The following NOTCH2 variants were observed in gnomAD, a reference collection of about 807,000 sequenced individuals.
NOTCH2 encodes neurogenic locus notch homolog protein 2.
In NOTCH2, 29 loss-of-function variants were observed where a neutral mutation model predicts 235.8. The ratio of observed to expected loss-of-function variants is 0.12; its 90% confidence interval spans 0.09 to 0.17. The LOEUF is 0.17. Ranked by LOEUF, NOTCH2 falls within the 10% of genes least tolerant of loss-of-function variation. The pLI is 1.00. For synonymous variants in NOTCH2, 1,086 were observed against 1,141.5 expected, an observed-to-expected ratio of 0.95 and a Z score of 0.98; for missense variants, 2,285 against 3,150.2, an observed-to-expected ratio of 0.73 and a Z score of 6.57.
chr1:119,965,311 T>C (rs587612955), intron 10 of NOTCH2, 142 bp downstream of exon 10: 1 of 777,490 alleles, frequency 1.3e-6, no homozygotes, highest in Non-Finnish European at 2.4e-6. Context: ...GCAAAAAATT[T>C]GTTAGAAACA....
chr1:119,926,686 G>C, intron 23 of NOTCH2, 75 bp from the exon 24 acceptor site: 1 of 1,195,180 alleles, frequency 8.4e-7, no homozygotes, highest in African/African-American at 1.5e-5. Flanking sequence ...AACTTTGCTG[G>C]GATGGGAACT....
intron 4 of NOTCH2, among the ~76,000 whole-genome samples, chr1:119,988,639 T>C (rs1652110784): frequency 6.6e-6 from 1 of 152,136 alleles, no homozygotes; most frequent in South Asian, 2.1e-4. Context: ...TTGCCCCTAG[T>C]CTGGTGCTCT....
At chr1:120,025,392 C>A (rs587754267) in intron 2 of NOTCH2, among the ~76,000 whole-genome samples, 1 of 152,232 alleles carries the variant, frequency 6.6e-6, no homozygotes, top group South Asian at 2.1e-4. Flanking sequence ...CCACTGAACC[C>A]CTAGAAGGGT....
At chr1:119,960,941 C>T (rs1650914904) in intron 11 of NOTCH2, among the ~76,000 whole-genome samples, 1 of 152,178 alleles carries the variant, frequency 6.6e-6, no homozygotes, top group South Asian at 2.1e-4. Flanking sequence ...GTTGAGATTA[C>T]AGGTATGAGC....
intron 5 of NOTCH2, among the ~76,000 whole-genome samples, chr1:119,972,841 A>G (rs1651418744): frequency 6.6e-6 from 1 of 152,172 alleles, no homozygotes; most frequent in Non-Finnish European, 1.5e-5. Context: ...TGAGGTGAGA[A>G]CCTGAACATA....
rs945766301 is a variant in NOTCH2, at chr1:119,914,088, C to G, written c.*1218G>C. ...ACGGAAGACAACTGTCACTGGGTCC[C>G]TTGGGCTAAGGAAAGTTCAGTCCTA... On this transcript the variant is annotated 3_prime_UTR_variant, in exon 34 of 34. Coordinates refer to ENST00000256646, the MANE Select transcript of NOTCH2 (RefSeq NM_024408.4). 1 of 233,140 alleles carries G rather than the reference C, an allele frequency of 4.3e-6. No individual in the cohort carries two copies. The highest frequency in any genetic ancestry group is 5.6e-5 in the Admixed American group (1 of 17,778). The allele number at this position is 233,140 out of a possible 1,614,324, so 14.4% of individuals were successfully genotyped here.
At chr1:120,001,566 CA>C (rs1179169288) in intron 3 of NOTCH2, among the ~76,000 whole-genome samples, 1 of 152,070 alleles carries the variant, frequency 6.6e-6, no homozygotes, top group East Asian at 1.9e-4. Flanking sequence ...ACCAACACTG[CA>C]CCTTTGATAT....
chr1:119,950,746 G>A lies in NOTCH2; in HGVS notation c.2457C>T (p.Cys819=). The A allele has an allele frequency of 1.9e-6, 3 of 1,612,912 alleles. No individual in the cohort carries two copies. Among genetic ancestry groups the A allele is most frequent in the South Asian group, 1.1e-5 (1 of 91,058 alleles). The part of the protein sequence containing the change: ...TCFDDISGYT[C]HCVLPYTGKN... ...CACCTGTGTATGGCAGCACACAGTGGCAAGTGTAGCCACTTATGTCATCAA... is the reference window on the plus strand; with the variant it reads ...CACCTGTGTATGGCAGCACACAGTGACAAGTGTAGCCACTTATGTCATCAA... The change falls in exon 15 of 34, where the codon TGC becomes TGT. Residue 819 remains cysteine, a synonymous_variant. Coordinates refer to ENST00000256646, the MANE Select transcript of NOTCH2 (RefSeq NM_024408.4).
chr1:119,938,675 G>C (rs1553196069), intron 19 of NOTCH2, among the ~76,000 whole-genome samples: 1 of 151,860 alleles, frequency 6.6e-6, no homozygotes, highest in African/African-American at 2.4e-5. Flanking sequence ...ATAATAATTG[G>C]TATATTCATT....
At chr1:119,938,830 G>A (rs930152247) in intron 19 of NOTCH2, among the ~76,000 whole-genome samples, 2 of 151,962 alleles carry the variant, frequency 1.3e-5, no homozygotes, top group African/African-American at 2.4e-5. Context: ...ACAGGCACCC[G>A]CTACCACACC....
intron 2 of NOTCH2, among the ~76,000 whole-genome samples, chr1:120,013,961 A>G (rs1553207440): frequency 6.6e-6 from 1 of 151,254 alleles, no homozygotes; most frequent in Admixed American, 6.6e-5. Context: ...AAAATAGTCT[A>G]CCACTTGAAC....
At chr1:119,995,946 A>G (rs879963257) in intron 4 of NOTCH2, 2 of 152,462 alleles carry the variant, frequency 1.3e-5, no homozygotes, top group African/African-American at 4.8e-5. Context: ...CCATATCCAC[A>G]ATACCAGAAT....
In NOTCH2 at chr1:119,915,164, A is replaced by ACC. The variant is rs1649019708; in HGVS notation, c.*141_*142insGG. ...ACTGACGAATTGCTTCTCTTGCATT[A>ACC]TCTGAATAAGAACATCTTCTCTTTC... On this transcript the variant is annotated 3_prime_UTR_variant, in exon 34 of 34. Coordinates refer to ENST00000256646, the MANE Select transcript of NOTCH2 (RefSeq NM_024408.4). 5 of 853,404 alleles carry ACC rather than the reference A, an allele frequency of 5.9e-6. No individual in the cohort carries two copies. The highest frequency in any genetic ancestry group is 9.6e-6 in the Non-Finnish European group (5 of 519,368). 52.9% of individuals were successfully genotyped at this position (853,404 alleles called of 1,614,324 possible).
intron 5 of NOTCH2, among the ~76,000 whole-genome samples, chr1:119,970,705 A>G (rs1421100505): frequency 6.6e-6 from 1 of 152,154 alleles, no homozygotes; most frequent in Non-Finnish European, 1.5e-5. Flanking sequence ...TCTGTGATTA[A>G]CAAAAACAGT....
In NOTCH2 at chr1:120,046,551, TC is replaced by T. The variant is rs1223161252; in HGVS notation, c.74-16565del. Among the ~76,000 whole-genome samples the T allele has an allele frequency of 1.3e-3, 12 of 9,444 alleles. No homozygotes were observed. In the East Asian group the frequency reaches 0.013, roughly 11 times the overall value. The allele number at this position is 9,444 out of a possible 152,430, so 6.2% of individuals were successfully genotyped here. A position where few individuals can be genotyped will look rare whatever the true frequency, so the allele number is the denominator to read the frequency against. On this transcript the variant is annotated intron_variant, in intron 1 of 33. Coordinates refer to ENST00000256646, the MANE Select transcript of NOTCH2 (RefSeq NM_024408.4). ...CCTCTCCACCAATCTCAGCCTCCTT[TC>T]CGCTCTCCAATGAGGCCTTGACTTT... is the stretch of plus-strand genomic sequence containing the variant.
chr1:119,936,551 G>A (rs932623714), intron 21 of NOTCH2, among the ~76,000 whole-genome samples: 2 of 152,140 alleles, frequency 1.3e-5, no homozygotes, highest in African/African-American at 4.8e-5. Flanking sequence ...GCACTGGTAG[G>A]CTTTTGAGCT....
At chr1:119,985,354 A>G (rs1475704610) in intron 5 of NOTCH2, among the ~76,000 whole-genome samples, 2 of 152,214 alleles carry the variant, frequency 1.3e-5, no homozygotes, top group Non-Finnish European at 2.9e-5. Context: ...TTTGGAAAAT[A>G]TAAAAACGGA....
intron 2 of NOTCH2, among the ~76,000 whole-genome samples, chr1:120,029,324 G>A (rs1553210600): frequency 2.0e-5 from 3 of 151,572 alleles, no homozygotes; most frequent in African/African-American, 4.8e-5. Flanking sequence ...AAAAACACAA[G>A]GGAATCTAAT....
intron 15 of NOTCH2, 21 bp downstream of exon 15, chr1:119,950,703 G>A: frequency 2.0e-6 from 3 of 1,493,046 alleles, no homozygotes; most frequent in Non-Finnish European, 1.9e-6. Context: ...TCTGGTCCCT[G>A]CTGGTACCTC....
Sources: allele counts gnomAD v4.1 joint callset (sites outside exome capture counted in the v4.1 genomes callset), GRCh38; gene constraint gnomAD v4.1.1; transcripts MANE v1.5; gene names NCBI Gene and HGNC (gene_info 2026-07-23, HGNC 2026-07-21).